Variants in ABCA1 observed in about 807,000 individuals in gnomAD.
The protein encoded by ABCA1 is ATP binding cassette subfamily A member 1.
A neutral mutation model predicts 262.5 loss-of-function variants in ABCA1; 133 were observed. The ratio of observed to expected loss-of-function variants is 0.51; its 90% confidence interval spans 0.44 to 0.59. The LOEUF is 0.59. Ranked by LOEUF, ABCA1 falls within the 20% of genes least tolerant of loss-of-function variation. ABCA1 has a pLI of 0.00. For missense variants in ABCA1, 2,452 were observed against 2,777.5 expected (o/e 0.88, Z 2.63); for synonymous variants, 1,022 against 1,043.5 (o/e 0.98, Z 0.40).
chr9:104,903,903 T>C, intron 1 of ABCA1, 132 bp from the exon 2 acceptor site: 1 of 603,054 alleles, frequency 1.7e-6, no homozygotes, highest in South Asian at 1.9e-5. Flanking sequence ...TGCTTCTCAA[T>C]GGATCATGAG....
rs185388297 is a variant in ABCA1 at position 104,900,579 on chromosome 9, T to C, written c.66+3035A>G. Reference sequence around the variant, plus strand: ...AATCTAGAAATCTAAGCCAGGTGGATTGGAAAGTAGCTACCAGTCAGAACT... The same window carrying C: ...AATCTAGAAATCTAAGCCAGGTGGACTGGAAAGTAGCTACCAGTCAGAACT... On this transcript the variant is annotated intron_variant, in intron 2 of 49. Transcript: ENST00000374736. 4.7e-3 allele frequency among the ~76,000 whole-genome samples: 720 copies of C among 152,300 alleles called. 10 individuals carry two copies. Among genetic ancestry groups the C allele is most frequent in the Non-Finnish European group, 2.1e-3 (142 of 68,034 alleles).
At chr9:104,798,817 T>G (rs946618463) in intron 36 of ABCA1, among the ~76,000 whole-genome samples, 5 of 152,174 alleles carry the variant, frequency 3.3e-5, no homozygotes, top group Admixed American at 3.3e-4. Context: ...GCCAAACTGG[T>G]ATTACTGAGG....
chr9:104,814,781 A>C (rs1831591842), intron 25 of ABCA1, among the ~76,000 whole-genome samples: 1 of 152,206 alleles, frequency 6.6e-6, no homozygotes, highest in Non-Finnish European at 1.5e-5. Flanking sequence ...AGATCACCTG[A>C]GGTCTGGAGC....
Position 104,831,756 on chromosome 9 carries a change from C to T in ABCA1, c.1581G>A (p.Leu527=), listed in dbSNP as rs1406448190. Residue 527 remains leucine, a synonymous_variant, in exon 13 of 50, where the codon CTG becomes CTA. Transcript: ENST00000374736. ...VWLINKSMEL[L]DERKFWAGIV... is the part of the protein sequence containing the mutation. Reference sequence around the variant, plus strand: ...TACCAGCCCAGAACTTCCTCTCATCCAGCAGCTCCATGGACTTGTTGATGA... The same window carrying T: ...TACCAGCCCAGAACTTCCTCTCATCTAGCAGCTCCATGGACTTGTTGATGA... 15 of 1,614,064 alleles carry T rather than the reference C, an allele frequency of 9.3e-6. No homozygotes were observed. Among genetic ancestry groups the T allele is most frequent in the Non-Finnish European group, 1.1e-5 (13 of 1,180,048 alleles).
intron 33 of ABCA1, among the ~76,000 whole-genome samples, chr9:104,802,693 C>T (rs1343882706): frequency 6.6e-6 from 1 of 152,194 alleles, no homozygotes; most frequent in East Asian, 1.9e-4. Flanking sequence ...GGCCCCCTGA[C>T]GTAGCCACAT....
chr9:104,795,338 C>G (rs991186490), intron 39 of ABCA1, among the ~76,000 whole-genome samples: 3 of 152,156 alleles, frequency 2.0e-5, no homozygotes, highest in African/African-American at 7.2e-5. Flanking sequence ...TGTAAAAGGC[C>G]TTGTGTGCTG....
chr9:104,821,847 C>G (rs1832383351), intron 19 of ABCA1, among the ~76,000 whole-genome samples: 1 of 152,092 alleles, frequency 6.6e-6, no homozygotes, highest in East Asian at 1.9e-4. Flanking sequence ...AAGATAAAAA[C>G]AATTTTTGTG....
chr9:104,905,438 C>T (rs1841049908), intron 1 of ABCA1, among the ~76,000 whole-genome samples: 2 of 152,184 alleles, frequency 1.3e-5, no homozygotes, highest in Non-Finnish European at 2.9e-5. Context: ...ACTATGTATT[C>T]CAATTCATTC....
intron 7 of ABCA1, chr9:104,856,034 C>T (rs1835807456): frequency 3.7e-6 from 6 of 1,612,306 alleles, no homozygotes; most frequent in African/African-American, 1.3e-5. Context: ...GCTACTGCTG[C>T]ACTTCTTGGC....
intron 19 of ABCA1, 50 bp downstream of exon 19, chr9:104,822,446 T>C (rs780769104): frequency 1.2e-6 from 2 of 1,608,958 alleles, no homozygotes; most frequent in South Asian, 2.2e-5. Flanking sequence ...CTAACTCTAC[T>C]GCAGAACCCT....
At chr9:104,903,326 T>C (rs147753468) in intron 2 of ABCA1, among the ~76,000 whole-genome samples, 70 of 152,082 alleles carry the variant, frequency 4.6e-4, no homozygotes, top group Non-Finnish European at 8.1e-4. Flanking sequence ...AAGGAAAAAG[T>C]GGGGTGCTCA....
rs762789142 is a variant in ABCA1 at position 104,792,785 on chromosome 9, C to A, written c.5757+1G>T. On this transcript the variant is annotated splice_donor_variant, in intron 42 of 49. Transcript: ENST00000374736. LOFTEE classifies it high-confidence loss of function. ...AGCTATTGTAACCTGTACTCTCTCA[C>A]CTTCGTCAACTCCTTGATTTCTAAG... 1 of 1,614,094 alleles carries A rather than the reference C, an allele frequency of 6.2e-7. No homozygotes were observed. Among genetic ancestry groups the A allele is most frequent in the South Asian group, 1.1e-5 (1 of 91,082 alleles).
At chr9:104,905,122 T>G (rs1348734186) in intron 1 of ABCA1, among the ~76,000 whole-genome samples, 1 of 152,206 alleles carries the variant, frequency 6.6e-6, no homozygotes. Flanking sequence ...CTCTCCTAGC[T>G]GTGCTTATGA....
At position 104,784,283 on chromosome 9, in the gene ABCA1, T is replaced by G; in HGVS notation, c.*32A>C. ...TGCAAAGGAAAGTCTAGTTCCTCTT[T>G]ACTTTCAGCCACCCCGTATGAACAG... On this transcript the variant is annotated 3_prime_UTR_variant, in exon 50 of 50. Coordinates refer to ENST00000374736, the MANE Select transcript of ABCA1 (RefSeq NM_005502.4). The G allele has an allele frequency of 6.2e-7, 1 of 1,613,682 alleles. No homozygotes were observed. The highest frequency in any genetic ancestry group is 8.5e-7 in the Non-Finnish European group (1 of 1,179,738).
rs748409694 is a variant in ABCA1 at position 104,883,131 on chromosome 9, C to T, written c.329G>A (p.Arg110Gln). The stretch of plus-strand genomic sequence containing the variant: ...TTTCTGGCTGTATAAAAGAAGCCTC[C>T]GAGCATCTGAGAACAGGCGAGCCAC... ...SIVARLFSDA[R>Q]RLLLYSQKDT... Residue 110 changes from arginine to glutamine, a missense_variant, in exon 5 of 50, where the codon CGG becomes CAG. Arg to Gln is a conservative substitution (Grantham distance 43, BLOSUM62 1). This residue lies in a region of ABCA1 where 1,032 missense variants were observed against 1,089.7 expected (regional missense o/e 0.95). Coordinates refer to ENST00000374736, the MANE Select transcript of ABCA1 (RefSeq NM_005502.4). 6 of 1,613,422 alleles carry T rather than the reference C, an allele frequency of 3.7e-6. No homozygotes were observed. Among genetic ancestry groups the T allele is most frequent in the East Asian group, 2.2e-5 (1 of 44,892 alleles).
At chr9:104,895,962 C>T (rs981230054) in intron 2 of ABCA1, among the ~76,000 whole-genome samples, 1 of 152,164 alleles carries the variant, frequency 6.6e-6, no homozygotes, top group African/African-American at 2.4e-5. Context: ...CAAAATAATG[C>T]ACTCCGCGCT....
In ABCA1 at chr9:104,796,106, T is replaced by C. The variant is rs781143581; in HGVS notation, c.5329A>G (p.Ile1777Val). 4 of 1,613,504 alleles carry C rather than the reference T, an allele frequency of 2.5e-6. No homozygotes were observed. The highest frequency in any genetic ancestry group is 2.7e-5 in the African/African-American group (2 of 74,926). The part of the protein sequence containing the change: ...YVVLTSVNLF[I>V]GINGSVATFV... ...GTGGCCACGCTGCCATTAATGCCAA[T>C]GAAGAGGTTCACGCTGGTGAGCACC... The change falls in exon 39 of 50, where the codon ATT becomes GTT. Residue 1777 changes from isoleucine to valine, a missense_variant. Ile to Val is a conservative substitution (Grantham distance 29). Transcript: ENST00000374736.
At chr9:104,876,448 G>A (rs1257041931) in intron 5 of ABCA1, among the ~76,000 whole-genome samples, 1 of 152,196 alleles carries the variant, frequency 6.6e-6, no homozygotes. Context: ...CTCAAGAGGG[G>A]ACTGTGTCCA....
chr9:104,793,611 G>A (rs944900218), intron 40 of ABCA1, among the ~76,000 whole-genome samples: 3 of 151,768 alleles, frequency 2.0e-5, no homozygotes, highest in Non-Finnish European at 4.4e-5. Flanking sequence ...AAAGGCAAAC[G>A]ACCCAAGTAA....
Sources: allele counts gnomAD v4.1 joint callset (sites outside exome capture counted in the v4.1 genomes callset), GRCh38; gene constraint gnomAD v4.1.1; regional missense constraint gnomAD v4.1.1; transcripts MANE v1.5; gene names NCBI Gene and HGNC (gene_info 2026-07-23, HGNC 2026-07-21).